The following JAK1 variants were observed in gnomAD, a reference collection of about 807,000 sequenced individuals.
JAK1 encodes the protein Janus kinase 1.
Under a neutral mutation model 136.6 loss-of-function variants are expected in JAK1, and 16 were observed. The ratio of observed to expected loss-of-function variants is 0.12; its 90% CI spans 0.08 to 0.18. The LOEUF (loss-of-function observed/expected upper bound fraction) is 0.18, where lower values mean the gene tolerates loss of function less well. Among genes scored for constraint, JAK1 ranks in the 10% least tolerant of loss-of-function variants. The probability of loss-of-function intolerance (pLI) is 1.00; values close to 1 mark genes in which losing one functional copy is unlikely to be tolerated. For synonymous variants in JAK1, 492 were observed against 519.5 expected, an observed-to-expected ratio of 0.95 and a Z score of 0.72; for missense variants, 859 against 1,450.1, an observed-to-expected ratio of 0.59 and a Z score of 6.62.
At chr1:64,847,495 G>A (rs1317019069) in intron 13 of JAK1, 37 bp downstream of exon 13, 1 of 1,612,304 alleles carries the variant, frequency 6.2e-7, no homozygotes, top group Admixed American at 1.7e-5. Flanking sequence ...CCAGAAACGG[G>A]AGAGGGGAGG....
At chr1:65,020,776 A>G (rs1284537412) in intron 2 of JAK1, among the ~76,000 whole-genome samples, 1 of 152,180 alleles carries the variant, frequency 6.6e-6, no homozygotes, top group Non-Finnish European at 1.5e-5. Context: ...GTAATTTGAG[A>G]AGAGTTTAAT....
intron 3 of JAK1, 76 bp downstream of exon 3, chr1:64,883,201 A>T (rs1557661752): frequency 1.5e-5 from 18 of 1,233,976 alleles, no homozygotes; most frequent in Non-Finnish European, 1.9e-5. Context: ...CAGCGCTACA[A>T]GGGGCAGAGA....
chr1:65,027,050 G>T (rs998400806), intron 2 of JAK1, among the ~76,000 whole-genome samples: 5 of 151,568 alleles, frequency 3.3e-5, no homozygotes, highest in African/African-American at 1.2e-4. Flanking sequence ...AACTTTTGGG[G>T]TTTTTTGTTT....
intron 2 of JAK1, among the ~76,000 whole-genome samples, chr1:64,997,083 T>G (rs1646710522): frequency 6.6e-6 from 1 of 152,214 alleles, no homozygotes; most frequent in Admixed American, 6.5e-5. Context: ...GGAGAGAGAT[T>G]AATTTGGTCC....
At chr1:64,858,602 C>G (rs1176068968) in intron 9 of JAK1, among the ~76,000 whole-genome samples, 2 of 152,190 alleles carry the variant, frequency 1.3e-5, no homozygotes, top group South Asian at 4.1e-4. Context: ...CATGAAATAT[C>G]CATTCATTCA....
chr1:64,878,528 T>C (rs2101205685), intron 4 of JAK1, among the ~76,000 whole-genome samples: 1 of 142,394 alleles, frequency 7.0e-6, no homozygotes, highest in Non-Finnish European at 1.5e-5. Flanking sequence ...GTAAGAAAAA[T>C]ATTTTATATC....
intron 2 of JAK1, among the ~76,000 whole-genome samples, chr1:65,022,267 C>A (rs1188424179): frequency 6.6e-6 from 1 of 152,148 alleles, no homozygotes; most frequent in East Asian, 1.9e-4. Flanking sequence ...GTAATGTCCC[C>A]TCTCCTTTCT....
intron 3 of JAK1, among the ~76,000 whole-genome samples, chr1:64,879,646 C>T (rs925349541): frequency 6.6e-6 from 1 of 152,154 alleles, no homozygotes; most frequent in African/African-American, 2.4e-5. Flanking sequence ...ATGCAAAATG[C>T]ATATTAGAAT....
chr1:65,053,274 A>T (rs1647372889), intron 1 of JAK1, among the ~76,000 whole-genome samples: 1 of 152,012 alleles, frequency 6.6e-6, no homozygotes, highest in Admixed American at 6.6e-5. Context: ...TTGACCCGGG[A>T]GGCGGAGGTT....
chr1:64,879,261 G>T, intron 3 of JAK1, 113 bp from the exon 4 acceptor site: 1 of 1,276,664 alleles, frequency 7.8e-7, no homozygotes. Context: ...AAAGAATCTG[G>T]GTCACTCATA....
intron 2 of JAK1, among the ~76,000 whole-genome samples, chr1:65,015,926 T>C (rs1024200902): frequency 1.3e-5 from 2 of 152,210 alleles, no homozygotes; most frequent in East Asian, 3.8e-4. Flanking sequence ...TTATTTACAA[T>C]GGTCAAAAGG....
At chr1:64,873,612 G>T (rs541075623) in intron 4 of JAK1, 89 bp from the exon 5 acceptor site, 176 of 1,466,386 alleles carry the variant, frequency 1.2e-4, no homozygotes, top group Non-Finnish European at 1.0e-5. Flanking sequence ...GGTCAGTGCC[G>T]GAGGCTGAAG....
chr1:65,062,161 G>A (rs1647821197), intron 1 of JAK1, among the ~76,000 whole-genome samples: 5 of 152,000 alleles, frequency 3.3e-5, no homozygotes, highest in Admixed American at 2.0e-4. Context: ...ATACATGACT[G>A]GCCCATATAT....
chr1:64,905,775 A>T (rs1645180186), intron 1 of JAK1, among the ~76,000 whole-genome samples: 2 of 152,158 alleles, frequency 1.3e-5, no homozygotes, highest in Admixed American at 1.3e-4. Flanking sequence ...GTTGTTTTTG[A>T]TGTGTGTTTA....
rs954775953 is a variant in JAK1 at position 64,953,223 on chromosome 1, C to T, written c.-78+13110G>A. ...ATTTGGGGTAGCAGTGGGTAACTTT[C>T]GTTAAATGCTGCTGGATCCCAGGCA... On this transcript the variant is annotated intron_variant, in intron 1 of 24. Coordinates refer to ENST00000342505, the MANE Select transcript of JAK1 (RefSeq NM_002227.4). Among the ~76,000 whole-genome samples, 9 of 152,324 alleles carry T rather than the reference C, an allele frequency of 5.9e-5. No homozygotes were observed. In the Middle Eastern group the frequency reaches 0.014, roughly 230 times the overall value.
intron 1 of JAK1, among the ~76,000 whole-genome samples, chr1:64,929,956 T>A (rs1455709400): frequency 6.6e-6 from 1 of 152,176 alleles, no homozygotes; most frequent in Non-Finnish European, 1.5e-5. Flanking sequence ...TAATAAATGG[T>A]GTTGGGAAAA....
At chr1:64,899,754 G>T (rs1557675597) in intron 1 of JAK1, among the ~76,000 whole-genome samples, 1 of 152,176 alleles carries the variant, frequency 6.6e-6, no homozygotes, top group African/African-American at 2.4e-5. Context: ...ATACTCATCT[G>T]TACAACTCTC....
At chr1:64,975,500 G>T (rs1646490728) in intron 2 of JAK1, among the ~76,000 whole-genome samples, 1 of 152,184 alleles carries the variant, frequency 6.6e-6, no homozygotes, top group Admixed American at 6.5e-5. Flanking sequence ...TCCATGGACT[G>T]CTCTTCCTGA....
In JAK1 at chr1:65,053,310, C is replaced by T. The variant is rs115981681; in HGVS notation, c.-180-8728G>A. 7.0e-3 allele frequency among the ~76,000 whole-genome samples: 1,060 copies of T among 152,240 alleles called. 6 individuals are homozygous for T. Among genetic ancestry groups the T allele is most frequent in the African/African-American group, 0.025 (1,025 of 41,544 alleles). ...GCAATGAGGCAAGATTATGCCACTG[C>T]ACTCCAACTGGGCGACAGAGCAAGA... On this transcript the variant is annotated intron_variant, in intron 1 of 25. Coordinates refer to the JAK1 transcript ENST00000671954.
Sources: gnomAD v4.1 joint callset for allele counts (sites outside exome capture counted in the v4.1 genomes callset) on GRCh38, gnomAD v4.1.1 for gene constraint, MANE v1.5 for transcripts, NCBI Gene and HGNC (gene_info 2026-07-23, HGNC 2026-07-21) for gene names.